Variants in LDLRAD4 observed in about 807,000 individuals in gnomAD.
LDLRAD4 encodes low density lipoprotein receptor class A domain containing 4.
A neutral mutation model predicts 17.0 loss-of-function variants in LDLRAD4; 5 were observed. The ratio of observed to expected loss-of-function variants is 0.29; its 90% CI spans 0.15 to 0.62. The LOEUF is 0.62. Ranked by LOEUF, LDLRAD4 falls within the 20% of genes least tolerant of loss-of-function variation. The pLI, the probability that LDLRAD4 is intolerant of heterozygous loss-of-function variation, is 0.84. For synonymous variants in LDLRAD4, 168 were observed against 171.8 expected (o/e 0.98, Z 0.17); for missense variants, 340 against 424.7 (o/e 0.80, Z 1.75).
At chr18:13,479,575 C>T (rs148353254) in intron 3 of LDLRAD4, among the ~76,000 whole-genome samples, 6 of 151,944 alleles carry the variant, frequency 3.9e-5, no homozygotes, top group African/African-American at 9.7e-5. Context: ...AAGCTGAGAT[C>T]GCACCATGGC....
chr18:13,463,995 G>A (rs967708470), intron 3 of LDLRAD4, among the ~76,000 whole-genome samples: 11 of 152,178 alleles, frequency 7.2e-5, no homozygotes, highest in Non-Finnish European at 1.3e-4. Context: ...AAGAAACTGG[G>A]GGAAATAGAC....
rs2146209650 is a variant in LDLRAD4 at position 13,440,903 on chromosome 18, C to A, written c.181+2519C>A. Among the ~76,000 whole-genome samples, 1 of 152,330 alleles carries A rather than the reference C, an allele frequency of 6.6e-6. No homozygotes were observed. Among genetic ancestry groups the A allele is most frequent in the Non-Finnish European group, 1.5e-5 (1 of 68,030 alleles). ...ACTTGCCCAGTGATCCTGGATGATTCTCCCTATTCTGTCCCCTGGGGAAGG... is the reference window on the plus strand; with the variant it reads ...ACTTGCCCAGTGATCCTGGATGATTATCCCTATTCTGTCCCCTGGGGAAGG... On this transcript the variant is annotated intron_variant, in intron 3 of 5. Transcript: ENST00000359446. This position sits in a 1 kb window ranked among gnomAD's most constrained non-coding sequence, Gnocchi z 4.4.
chr18:13,336,649 T>A (rs1175898963), intron 1 of LDLRAD4, among the ~76,000 whole-genome samples: 1 of 152,154 alleles, frequency 6.6e-6, no homozygotes, highest in Non-Finnish European at 1.5e-5. Flanking sequence ...TTGAAATTCA[T>A]CTTCATTTCT....
chr18:13,476,765 G>T (rs2092950874), intron 3 of LDLRAD4, among the ~76,000 whole-genome samples: 2 of 152,178 alleles, frequency 1.3e-5, no homozygotes, highest in Admixed American at 1.3e-4. Flanking sequence ...TGAGGCCCAT[G>T]ATGTTGTTTG....
At chr18:13,578,797 T>G (rs1180807350) in intron 3 of LDLRAD4, among the ~76,000 whole-genome samples, 3 of 143,358 alleles carry the variant, frequency 2.1e-5, no homozygotes, top group Non-Finnish European at 4.5e-5. Context: ...ACCATGAAAG[T>G]ACAGTGACCC....
intron 3 of LDLRAD4, among the ~76,000 whole-genome samples, chr18:13,491,949 A>G (rs766268466): frequency 2.6e-5 from 4 of 152,182 alleles, no homozygotes; most frequent in East Asian, 1.9e-4. Context: ...CCATCATTCA[A>G]TTGATGGATG....
At chr18:13,612,746 T>TCAAAGACTGAA in intron 3 of LDLRAD4, 1 of 1,613,928 alleles carries the variant, frequency 6.2e-7, no homozygotes, top group East Asian at 2.2e-5. Flanking sequence ...TGAAGGAGGC[T>TCAAAGACTGAA]CAGTTCAAAG....
At chr18:13,437,525 C>T (rs563764350) in intron 2 of LDLRAD4, among the ~76,000 whole-genome samples, 63 of 152,312 alleles carry the variant, frequency 4.1e-4, no homozygotes, top group South Asian at 1.0e-3. Context: ...AATATTGATT[C>T]GTACAGACTT....
At chr18:13,561,973 A>G (rs1306461683) in intron 3 of LDLRAD4, 4 of 152,258 alleles carry the variant, frequency 2.6e-5, no homozygotes, top group Admixed American at 1.3e-4. Flanking sequence ...AAAGTCTAGC[A>G]TATCCAATAA....
At chr18:13,432,628 G>A (rs993594788) in intron 2 of LDLRAD4, among the ~76,000 whole-genome samples, 2 of 152,146 alleles carry the variant, frequency 1.3e-5, no homozygotes, top group Admixed American at 6.5e-5. Context: ...TGAGTTCTTT[G>A]CAGTCAGTTT....
intron 1 of LDLRAD4, among the ~76,000 whole-genome samples, chr18:13,302,731 G>A (rs2046674223): frequency 6.6e-6 from 1 of 152,168 alleles, no homozygotes. Context: ...GCTGTTACAC[G>A]CAGTTATGGT....
intron 1 of LDLRAD4, among the ~76,000 whole-genome samples, chr18:13,319,487 C>T (rs1216732486): frequency 6.6e-6 from 1 of 152,152 alleles, no homozygotes; most frequent in Non-Finnish European, 1.5e-5. Context: ...GTACCCTCTC[C>T]CTGCAGCAAA....
intron 3 of LDLRAD4, among the ~76,000 whole-genome samples, chr18:13,485,289 C>T (rs1250259386): frequency 6.6e-6 from 1 of 152,180 alleles, no homozygotes; most frequent in Admixed American, 6.5e-5. Flanking sequence ...CCCACAAAGC[C>T]TCTGGTAGGA....
At chr18:13,218,666 C>T (rs1176953514), upstream of LDLRAD4, 1 of 152,134 alleles carries the variant, frequency 6.6e-6, no homozygotes, top group East Asian at 1.9e-4. Flanking sequence ...CCCCTCGGGC[C>T]CGCTTCACCC....
At chr18:13,520,392 G>A (rs925186912) in intron 3 of LDLRAD4, 1 of 152,156 alleles carries the variant, frequency 6.6e-6, no homozygotes, top group Non-Finnish European at 1.5e-5. Context: ...CATATCTTTA[G>A]TGCTCTGTTT....
At chr18:13,515,037 CTT>C (rs2093842949) in intron 3 of LDLRAD4, 1 of 152,164 alleles carries the variant, frequency 6.6e-6, no homozygotes, top group South Asian at 2.1e-4. Flanking sequence ...AACTTTTTTT[CTT>C]TGTGGACATT....
At chr18:13,412,028 G>A (rs1357915094) in intron 2 of LDLRAD4, among the ~76,000 whole-genome samples, 10 of 152,152 alleles carry the variant, frequency 6.6e-5, no homozygotes, top group African/African-American at 2.2e-4. Context: ...TTGTTTGGTA[G>A]AGATAGGGTC....
chr18:13,595,331 T>G (rs1193229220), intron 3 of LDLRAD4, among the ~76,000 whole-genome samples: 1 of 152,234 alleles, frequency 6.6e-6, no homozygotes, highest in Non-Finnish European at 1.5e-5. Flanking sequence ...GATATCTTTC[T>G]TAATGTAGGC....
At chr18:13,250,961 G>A (rs1241662676) in intron 1 of LDLRAD4, among the ~76,000 whole-genome samples, 1 of 152,162 alleles carries the variant, frequency 6.6e-6, no homozygotes, top group Admixed American at 6.5e-5. Context: ...GATGAATATA[G>A]ATGCAAAAAT....
Sources: gnomAD v4.1 joint callset for allele counts (sites outside exome capture counted in the v4.1 genomes callset) on GRCh38, gnomAD v4.1.1 for gene constraint, Gnocchi (gnomAD v3.1) non-coding constraint, MANE v1.5 for transcripts, NCBI Gene and HGNC (gene_info 2026-07-23, HGNC 2026-07-21) for gene names.